NRXN3: variants seen among roughly 807,000 people sequenced by gnomAD.
The protein encoded by NRXN3 is neurexin 3.
Under a neutral mutation model 137.6 loss-of-function variants are expected in NRXN3, and 32 were observed. The observed-to-expected ratio is 0.23, with a 90% CI of 0.18 to 0.31. The LOEUF (loss-of-function observed/expected upper bound fraction) is 0.31, where lower values mean the gene tolerates loss of function less well. Among genes scored for constraint, NRXN3 ranks in the 10% least tolerant of loss-of-function variants. NRXN3 has a pLI of 1.00. For synonymous variants in NRXN3, 798 were observed against 784.5 expected, an observed-to-expected ratio of 1.02 and a Z score of -0.29; for missense variants, 1,574 against 2,062.5, an observed-to-expected ratio of 0.76 and a Z score of 4.59.
At chr14:78,221,645 C>G (rs1225413058) in intron 1 of NRXN3, among the ~76,000 whole-genome samples, 2 of 152,166 alleles carry the variant, frequency 1.3e-5, no homozygotes, top group Non-Finnish European at 2.9e-5. Context: ...CTAGGCCTTA[C>G]TCATCTAGGT....
chr14:78,648,484 A>G (rs1345220988), intron 5 of NRXN3, among the ~76,000 whole-genome samples: 1 of 152,246 alleles, frequency 6.6e-6, no homozygotes, highest in Non-Finnish European at 1.5e-5. Flanking sequence ...CTGGCCAAGT[A>G]AACAAATTAA....
At chr14:78,890,099 A>G (rs1410716561) in intron 10 of NRXN3, among the ~76,000 whole-genome samples, 1 of 151,970 alleles carries the variant, frequency 6.6e-6, no homozygotes, top group Non-Finnish European at 1.5e-5. Context: ...CCCTGTCAGC[A>G]TTTGGATCTC....
At chr14:79,506,582 A>G (rs1269442953) in intron 16 of NRXN3, among the ~76,000 whole-genome samples, 20 of 152,094 alleles carry the variant, frequency 1.3e-4, no homozygotes, top group Non-Finnish European at 2.9e-4. Context: ...GCATTTTTGA[A>G]ACTCCTTTGT....
At chr14:78,891,840 A>G (rs2099159864) in intron 10 of NRXN3, among the ~76,000 whole-genome samples, 1 of 152,032 alleles carries the variant, frequency 6.6e-6, no homozygotes, top group African/African-American at 2.4e-5. Context: ...ATATGAATGT[A>G]TATACACAAA....
At chr14:78,232,682 A>G (rs1326258679) in intron 1 of NRXN3, among the ~76,000 whole-genome samples, 3 of 151,362 alleles carry the variant, frequency 2.0e-5, no homozygotes, top group African/African-American at 4.9e-5. Context: ...TCTCTTCCCT[A>G]TCCCCTCATG....
At chr14:78,992,047 G>C (rs529708671) in intron 15 of NRXN3, among the ~76,000 whole-genome samples, 87 of 152,244 alleles carry the variant, frequency 5.7e-4, no homozygotes, top group African/African-American at 2.1e-3. Context: ...CCCTTGTATG[G>C]GGTTAGGAAA....
intron 15 of NRXN3, chr14:79,280,661 C>A: frequency 2.9e-6 from 3 of 1,017,650 alleles, no homozygotes; most frequent in Non-Finnish European, 4.3e-6. Context: ...TGATGAAAAG[C>A]ATCGTATGTC....
At chr14:78,488,299 A>T (rs11627763) in intron 4 of NRXN3, among the ~76,000 whole-genome samples, 1 of 152,164 alleles carries the variant, frequency 6.6e-6, no homozygotes, top group East Asian at 1.9e-4. Flanking sequence ...GCTTCAACCT[A>T]TGAATTTGGG....
chr14:78,627,629 CCT>C, intron 4 of NRXN3, among the ~76,000 whole-genome samples: 1 of 152,212 alleles, frequency 6.6e-6, no homozygotes, highest in East Asian at 1.9e-4. Context: ...AAAGTTGTCC[CCT>C]GTTAATATAT....
chr14:79,501,541 A>T (rs906759512), intron 16 of NRXN3, among the ~76,000 whole-genome samples: 1 of 152,186 alleles, frequency 6.6e-6, no homozygotes, highest in African/African-American at 2.4e-5. Flanking sequence ...TGGAAGGGCC[A>T]CTGGAAGTCC....
chr14:79,509,428 A>G (rs1194081640), intron 16 of NRXN3, among the ~76,000 whole-genome samples: 1 of 151,938 alleles, frequency 6.6e-6, no homozygotes, highest in African/African-American at 2.4e-5. Flanking sequence ...AGGCAGGAGA[A>G]TGGCTTGAAC....
chr14:78,907,266 G>A (rs1427929607), intron 10 of NRXN3, among the ~76,000 whole-genome samples: 1 of 151,838 alleles, frequency 6.6e-6, no homozygotes, highest in Non-Finnish European at 1.5e-5. Flanking sequence ...ATAAACATAT[G>A]AGGTGCTTTG....
At chr14:79,580,368 G>A (rs2097702694) in intron 16 of NRXN3, among the ~76,000 whole-genome samples, 1 of 151,892 alleles carries the variant, frequency 6.6e-6, no homozygotes, top group Non-Finnish European at 1.5e-5. Flanking sequence ...ATTGTGAAGG[G>A]AAAGCAGAAT....
At chr14:78,257,610 A>G (rs2069876258) in intron 2 of NRXN3, among the ~76,000 whole-genome samples, 1 of 152,346 alleles carries the variant, frequency 6.6e-6, no homozygotes, top group East Asian at 1.9e-4. Flanking sequence ...GGGCAGCTCT[A>G]TGAGAGAGCA....
intron 1 of NRXN3, among the ~76,000 whole-genome samples, chr14:78,174,612 T>C (rs2059084901): frequency 6.6e-6 from 1 of 152,194 alleles, no homozygotes; most frequent in South Asian, 2.1e-4. Flanking sequence ...GGAGGCTGCC[T>C]GCCTCTTTGT....
chr14:79,349,312 T>A (rs775337132), intron 15 of NRXN3, among the ~76,000 whole-genome samples: 1 of 151,974 alleles, frequency 6.6e-6, no homozygotes, highest in Non-Finnish European at 1.5e-5. Flanking sequence ...AAAAAATCTA[T>A]TTAATTATTG....
chr14:79,678,091 C>G (rs991924135), intron 17 of NRXN3, among the ~76,000 whole-genome samples: 1 of 152,122 alleles, frequency 6.6e-6, no homozygotes, highest in Non-Finnish European at 1.5e-5. Context: ...CCTCCCTCTT[C>G]TGGCTTCGAT....
intron 4 of NRXN3, among the ~76,000 whole-genome samples, chr14:78,608,715 G>T (rs531883264): frequency 4.1e-4 from 62 of 152,318 alleles, no homozygotes; most frequent in African/African-American, 1.4e-3. Flanking sequence ...GTTCCAGGAT[G>T]CAGAATTGAA....
intron 15 of NRXN3, among the ~76,000 whole-genome samples, chr14:79,386,759 G>A (rs1302949032): frequency 6.6e-6 from 1 of 152,112 alleles, no homozygotes; most frequent in Non-Finnish European, 1.5e-5. Flanking sequence ...CAGAGATATA[G>A]ATCAATGGAA....
Sources: allele counts gnomAD v4.1 joint callset (sites outside exome capture counted in the v4.1 genomes callset), GRCh38; gene constraint gnomAD v4.1.1; transcripts MANE v1.5; gene names NCBI Gene and HGNC (gene_info 2026-07-23, HGNC 2026-07-21).